The following NFIX variants were observed in gnomAD, a reference collection of about 807,000 sequenced individuals.
NFIX encodes nuclear factor 1 X-type.
Under a neutral mutation model 53.3 loss-of-function variants are expected in NFIX, and 2 were observed. That is an observed-to-expected ratio of 0.04 (90% CI 0.02 to 0.12). NFIX has a LOEUF of 0.12. Among genes scored for constraint, NFIX ranks in the 10% least tolerant of loss-of-function variants. NFIX has a pLI of 1.00. For missense variants in NFIX, 310 were observed against 674.5 expected (o/e 0.46, Z 5.99); for synonymous variants, 244 against 289.0 (o/e 0.84, Z 1.58).
chr19:13,077,716 C>T (rs1257338599), intron 6 of NFIX, among the ~76,000 whole-genome samples: 1 of 152,250 alleles, frequency 6.6e-6, no homozygotes, highest in African/African-American at 2.4e-5. Context: ...CTTATCCTTC[C>T]CAGCCTGGGC....
intron 2 of NFIX, among the ~76,000 whole-genome samples, chr19:13,046,470 C>G (rs1034389436): frequency 1.3e-5 from 2 of 152,040 alleles, no homozygotes; most frequent in African/African-American, 4.8e-5. Context: ...TGCCTTCCCC[C>G]CCCCTCTTTT....
At chr19:13,031,046 C>T (rs563510055) in intron 2 of NFIX, among the ~76,000 whole-genome samples, 14 of 152,286 alleles carry the variant, frequency 9.2e-5, no homozygotes, top group African/African-American at 2.4e-4. Context: ...GGCCTCAGAG[C>T]GGGGCATGAC....
chr19:13,065,104 ATTTCAGC>A (rs1305616741), intron 2 of NFIX, among the ~76,000 whole-genome samples: 2 of 151,880 alleles, frequency 1.3e-5, no homozygotes, highest in Non-Finnish European at 2.9e-5. Context: ...CCTACCCTCC[ATTTCAGC>A]ATGCCCCCTT....
At chr19:13,015,470 C>T (rs918261168) in intron 1 of NFIX, among the ~76,000 whole-genome samples, 4 of 152,140 alleles carry the variant, frequency 2.6e-5, no homozygotes, top group Admixed American at 1.3e-4. Flanking sequence ...TGCCATTCTA[C>T]TCCCCTCACC....
rs2013306301 is a variant in NFIX at position 13,025,902 on chromosome 19, C to T, written c.559+350C>T. ...GGTGAGAGTTTGAGATGAACAACAA[C>T]AGCAAACCAGTAATTGCTCTTATTA... On this transcript the variant is annotated intron_variant, in intron 2 of 10. Coordinates refer to ENST00000592199, the MANE Select transcript of NFIX (RefSeq NM_001365902.3). This position sits in a 1 kb window ranked among gnomAD's most constrained non-coding sequence, Gnocchi z 7.5. Among the ~76,000 whole-genome samples, 1 of 152,214 alleles carries T rather than the reference C, an allele frequency of 6.6e-6. No homozygotes were observed. The highest frequency in any genetic ancestry group is 1.5e-5 in the Non-Finnish European group (1 of 68,040).
At chr19:13,033,840 A>G (rs2013988903) in intron 2 of NFIX, among the ~76,000 whole-genome samples, 1 of 152,228 alleles carries the variant, frequency 6.6e-6, no homozygotes, top group Non-Finnish European at 1.5e-5. Context: ...GCTTCCTAGA[A>G]GACGACCTAC....
chr19:13,051,041 T>C lies in NFIX; in HGVS notation c.560-22006T>C, dbSNP rs907367983. ...AAGCATAGTTGCTACCCTGGTGTTG[T>C]TGGTAATGACTTGGCAGTGGAGGGA... On this transcript the variant is annotated intron_variant, in intron 2 of 10. Transcript: ENST00000592199. This position sits in a 1 kb window ranked among gnomAD's most constrained non-coding sequence, Gnocchi z 5.1. Among the ~76,000 whole-genome samples the C allele has an allele frequency of 6.6e-6, 1 of 152,134 alleles. No homozygotes were observed. Among genetic ancestry groups the C allele is most frequent in the African/African-American group, 2.4e-5 (1 of 41,428 alleles).
rs188058081 is a variant in NFIX at position 13,050,960 on chromosome 19, A to G, written c.560-22087A>G. On this transcript the variant is annotated intron_variant, in intron 2 of 10. Coordinates refer to ENST00000592199, the MANE Select transcript of NFIX (RefSeq NM_001365902.3). ...TCCTTCCAGACCAGCCCCCTTGGAG[A>G]TGGCCCTGGGCAGGGAGAAGGCAGG... Among the ~76,000 whole-genome samples, 8 of 152,294 alleles carry G rather than the reference A, an allele frequency of 5.3e-5. No homozygotes were observed. In the East Asian group the frequency reaches 1.4e-3, roughly 26 times the overall value.
Position 12,995,810 on chromosome 19 carries a change from C to G in NFIX, c.-28C>G, listed in dbSNP as rs2011443442. 1.0e-6 allele frequency: 1 copy of G among 985,986 alleles called. No homozygotes were observed. The highest frequency in any genetic ancestry group is 1.8e-5 in the African/African-American group (1 of 56,100). The allele number at this position is 985,986 out of a possible 1,614,324, so 61.1% of individuals were successfully genotyped here. On this transcript the variant is annotated 5_prime_UTR_variant, in exon 1 of 11. Transcript: ENST00000592199. ...CGGGCCTCCCCTCGCCGCGGCCGGC[C>G]GCCGCGCTCCCGCCCGGGCGCCCAG...
In NFIX at chr19:13,028,768, A is replaced by G. The variant is rs2013570166; in HGVS notation, c.559+3216A>G. 6.6e-6 allele frequency among the ~76,000 whole-genome samples: 1 copy of G among 152,052 alleles called. No homozygotes were observed. Among genetic ancestry groups the G allele is most frequent in the Non-Finnish European group, 1.5e-5 (1 of 67,986 alleles). On this transcript the variant is annotated intron_variant, in intron 2 of 10. Transcript: ENST00000592199. This position sits in a 1 kb window ranked among gnomAD's most constrained non-coding sequence, Gnocchi z 4.2. Reference sequence around the variant, plus strand: ...AGCGGGTATCCCAGAACAGGTGGCCAGGGACGGGTGAGCTGGGGAGGGCCA... The same window carrying G: ...AGCGGGTATCCCAGAACAGGTGGCCGGGGACGGGTGAGCTGGGGAGGGCCA...
Position 13,037,791 on chromosome 19 carries a change from CTT to C in NFIX, c.559+12242_559+12243del, listed in dbSNP as rs1024890799. Among the ~76,000 whole-genome samples, 2 of 152,096 alleles carry C rather than the reference CTT, an allele frequency of 1.3e-5. No individual in the cohort carries two copies. The highest frequency in any genetic ancestry group is 2.9e-5 in the Non-Finnish European group (2 of 68,022). Reference sequence around the variant, plus strand: ...GAACATTTGGCAATGTCTGTGAACACTTTTGGTTGTCACAGTTGTGGGGGGAG... The same window carrying C: ...GAACATTTGGCAATGTCTGTGAACACTTGGTTGTCACAGTTGTGGGGGGAG... On this transcript the variant is annotated intron_variant, in intron 2 of 10. Transcript: ENST00000592199. This position sits in a 1 kb window ranked among gnomAD's most constrained non-coding sequence, Gnocchi z 4.2.
rs1599891615 is a variant in NFIX, at chr19:13,094,929, G to A, written c.*280G>A. 9 of 458,458 alleles carry A rather than the reference G, an allele frequency of 2.0e-5. No homozygotes were observed. The East Asian group carries it at 3.2e-4, about 16-fold the overall frequency. The allele number at this position is 458,458 out of a possible 1,614,324, so 28.4% of individuals were successfully genotyped here. On this transcript the variant is annotated 3_prime_UTR_variant, in exon 11 of 11. Coordinates refer to ENST00000592199, the MANE Select transcript of NFIX (RefSeq NM_001365902.3). This position sits in a 1 kb window ranked among gnomAD's most constrained non-coding sequence, Gnocchi z 4.3. ...CACGCGACATGGACTCTGTCAAGTA[G>A]AGGACAGAAAGCAAGAAAGGATGCA...
In NFIX at chr19:13,093,988, C is replaced by T. The variant is rs1345087330; in HGVS notation, c.1495-647C>T. On this transcript the variant is annotated intron_variant, in intron 10 of 10. Coordinates refer to ENST00000592199, the MANE Select transcript of NFIX (RefSeq NM_001365902.3). The surrounding 1 kb of genome is among the most constrained non-coding windows in gnomAD (Gnocchi z 4.7). ...CCTGCTGGCGATATGAAGGAAATGA[C>T]GCTCACCCCAGGGAGCCTCAAGTCC... Among the ~76,000 whole-genome samples, 2 of 152,202 alleles carry T rather than the reference C, an allele frequency of 1.3e-5. No homozygotes were observed. Among genetic ancestry groups the T allele is most frequent in the East Asian group, 3.9e-4 (2 of 5,164 alleles).
rs1202471233 is a variant in NFIX at position 13,036,652 on chromosome 19, A to G, written c.559+11100A>G. Among the ~76,000 whole-genome samples the G allele has an allele frequency of 2.0e-5, 3 of 152,294 alleles. No individual in the cohort carries two copies. The Middle Eastern group carries it at 0.01, about 518-fold the overall frequency. On this transcript the variant is annotated intron_variant, in intron 2 of 10. Transcript: ENST00000592199. This position sits in a 1 kb window ranked among gnomAD's most constrained non-coding sequence, Gnocchi z 4.7. ...CTGCAGATTATATCCCCATTAGCGCATAATTATTATATAATGGGCGTTATT... is the reference window on the plus strand; with the variant it reads ...CTGCAGATTATATCCCCATTAGCGCGTAATTATTATATAATGGGCGTTATT...
intron 2 of NFIX, among the ~76,000 whole-genome samples, chr19:13,035,802 A>C (rs1295568696): frequency 6.6e-6 from 1 of 152,206 alleles, no homozygotes; most frequent in Non-Finnish European, 1.5e-5. Context: ...TTTTAAGAGC[A>C]GATGGTATGT....
At chr19:13,082,192 C>G in intron 8 of NFIX, 1 of 309,228 alleles carries the variant, frequency 3.2e-6, no homozygotes, top group Non-Finnish European at 6.1e-6. Flanking sequence ...TCCCAGCGCT[C>G]CTCTTAAACC....
intron 1 of NFIX, among the ~76,000 whole-genome samples, chr19:13,004,799 G>C (rs968769077): frequency 6.6e-6 from 1 of 151,836 alleles, no homozygotes. Flanking sequence ...CCGAGAGAAG[G>C]GATGGGGACA....
In NFIX at chr19:13,090,193, C is replaced by T; in HGVS notation, c.1403-106C>T. 2 of 1,062,408 alleles carry T rather than the reference C, an allele frequency of 1.9e-6. No homozygotes were observed. The highest frequency in any genetic ancestry group is 2.4e-5 in the East Asian group (1 of 42,088). 65.8% of individuals were successfully genotyped at this position (1,062,408 alleles called of 1,614,324 possible). A position where few individuals can be genotyped will look rare whatever the true frequency, so the allele number is the denominator to read the frequency against. On this transcript the variant is annotated intron_variant, in intron 9 of 10. Transcript: ENST00000592199. This position sits in a 1 kb window ranked among gnomAD's most constrained non-coding sequence, Gnocchi z 6.6. ...CCACTGCCAGCCTAAACTCGGGCAG[C>T]ATGGTCTAACTCAGTCTCTCCCTCT...
Position 13,036,591 on chromosome 19 carries a change from CGAGTGCAGCCCTTGGG to C in NFIX, c.559+11045_559+11060del, listed in dbSNP as rs2014212784. ...CGGAGGCGACCTGCAGGAGGCCAGC[CGAGTGCAGCCCTTGGG>C]GAGTGTGTCCTTATTATGCCTGCAG... On this transcript the variant is annotated intron_variant, in intron 2 of 10. Coordinates refer to ENST00000592199, the MANE Select transcript of NFIX (RefSeq NM_001365902.3). The surrounding 1 kb of genome is among the most constrained non-coding windows in gnomAD (Gnocchi z 4.7). Among the ~76,000 whole-genome samples the C allele has an allele frequency of 6.6e-6, 1 of 152,062 alleles. No individual in the cohort carries two copies. The highest frequency in any genetic ancestry group is 1.5e-5 in the Non-Finnish European group (1 of 68,008).
Sources: allele counts gnomAD v4.1 joint callset (sites outside exome capture counted in the v4.1 genomes callset), GRCh38; gene constraint gnomAD v4.1.1; non-coding constraint Gnocchi (gnomAD v3.1); transcripts MANE v1.5; gene names NCBI Gene and HGNC (gene_info 2026-07-23, HGNC 2026-07-21).